LEPR: variants seen among roughly 807,000 people sequenced by gnomAD.
LEPR encodes OB receptor.
LEPR carries 56 observed loss-of-function variants against 114.7 expected under a neutral mutation model. That is an observed-to-expected ratio of 0.49 (90% CI 0.39 to 0.61). The LOEUF (loss-of-function observed/expected upper bound fraction) is 0.61, where lower values mean the gene tolerates loss of function less well. Ranked by LOEUF, LEPR falls within the 20% of genes least tolerant of loss-of-function variation. The probability of loss-of-function intolerance (pLI) is 0.00; values close to 1 mark genes in which losing one functional copy is unlikely to be tolerated. For missense variants in LEPR, 1,202 were observed against 1,352.9 expected (o/e 0.89, Z 1.75); for synonymous variants, 443 against 461.4 (o/e 0.96, Z 0.51).
At chr1:65,588,492 C>T (rs1655469877) in intron 5 of LEPR, among the ~76,000 whole-genome samples, 1 of 151,712 alleles carries the variant, frequency 6.6e-6, no homozygotes, top group Non-Finnish European at 1.5e-5. Context: ...ACTCATAAAA[C>T]CATCAGTATA....
At chr1:65,511,543 A>G (rs1431498078) in intron 2 of LEPR, among the ~76,000 whole-genome samples, 1 of 152,146 alleles carries the variant, frequency 6.6e-6, no homozygotes, top group Non-Finnish European at 1.5e-5. Context: ...TCATCTGTGT[A>G]TTCACAAAAC....
intron 3 of LEPR, among the ~76,000 whole-genome samples, chr1:65,568,579 G>T (rs1188888416): frequency 6.6e-6 from 1 of 151,640 alleles, no homozygotes; most frequent in African/African-American, 2.4e-5. Flanking sequence ...ATTCATTGAG[G>T]GACACTTAGG....
At chr1:65,565,256 A>G (rs536438468) in intron 2 of LEPR, among the ~76,000 whole-genome samples, 1 of 152,342 alleles carries the variant, frequency 6.6e-6, no homozygotes, top group South Asian at 2.1e-4. Context: ...GCATTTAGTT[A>G]AAATTTCAGT....
At chr1:65,555,562 A>G (rs1652758258) in intron 2 of LEPR, among the ~76,000 whole-genome samples, 1 of 152,180 alleles carries the variant, frequency 6.6e-6, no homozygotes, top group African/African-American at 2.4e-5. Context: ...AAGACCAGTC[A>G]TATTAGTGTA....
In LEPR at chr1:65,488,206, TTCTTTCTCTCTCTCTCTCTC is replaced by T. The variant is rs1647641242; in HGVS notation, c.-21+62836_-21+62855del. On this transcript the variant is annotated intron_variant, in intron 2 of 19. Coordinates refer to ENST00000349533, the MANE Select transcript of LEPR (RefSeq NM_002303.6). The stretch of plus-strand genomic sequence containing the variant: ...TTTCTTTCTTTCTTTCTTTCTTTCT[TTCTTTCTCTCTCTCTCTCTC>T]TCTTTCTTTCTTTCTTTCTTTCTTT... Among the ~76,000 whole-genome samples, 23 of 31,774 alleles carry T rather than the reference TTCTTTCTCTCTCTCTCTCTC, an allele frequency of 7.2e-4. 2 individuals are homozygous for T. Among genetic ancestry groups the T allele is most frequent in the Non-Finnish European group, 8.6e-4 (14 of 16,190 alleles). 20.8% of individuals were successfully genotyped at this position (31,774 alleles called of 152,430 possible).
At chr1:65,472,411 A>AAC (rs71721804) in intron 2 of LEPR, among the ~76,000 whole-genome samples, 4,679 of 133,248 alleles carry the variant, frequency 0.035, 102 homozygotes, top group African/African-American at 0.054. Flanking sequence ...CTGTGGCTAA[A>AAC]ACACACACAC....
At chr1:65,580,643 G>A (rs569172372) in intron 5 of LEPR, among the ~76,000 whole-genome samples, 5 of 152,252 alleles carry the variant, frequency 3.3e-5, no homozygotes, top group East Asian at 1.9e-4. Flanking sequence ...TTCCAGGCAC[G>A]GAGCTGAGCA....
intron 2 of LEPR, among the ~76,000 whole-genome samples, chr1:65,506,128 A>G (rs1648713793): frequency 6.6e-6 from 1 of 152,184 alleles, no homozygotes; most frequent in Non-Finnish European, 1.5e-5. Flanking sequence ...GTGAGAATTC[A>G]ACTTTGAAAC....
At chr1:65,479,433 A>T (rs1647193568) in intron 2 of LEPR, among the ~76,000 whole-genome samples, 1 of 152,156 alleles carries the variant, frequency 6.6e-6, no homozygotes, top group Non-Finnish European at 1.5e-5. Flanking sequence ...AAACCGAGAG[A>T]GGCAGAGAGG....
intron 2 of LEPR, among the ~76,000 whole-genome samples, chr1:65,508,495 T>A (rs1648870957): frequency 1.3e-5 from 2 of 152,202 alleles, no homozygotes; most frequent in South Asian, 4.1e-4. Flanking sequence ...CAATTGACTG[T>A]AGATGTATAG....
At chr1:65,630,910 T>G (rs1658492764) in intron 19 of LEPR, among the ~76,000 whole-genome samples, 1 of 152,200 alleles carries the variant, frequency 6.6e-6, no homozygotes, top group Non-Finnish European at 1.5e-5. Context: ...TCTTTTTTCT[T>G]CTATTCCCTG....
intron 5 of LEPR, among the ~76,000 whole-genome samples, chr1:65,573,619 A>C (rs2100819076): frequency 6.6e-6 from 1 of 152,234 alleles, no homozygotes; most frequent in African/African-American, 2.4e-5. Context: ...CTTTCTCATT[A>C]ATTCTTCTAT....
At chr1:65,608,582 T>G (rs1656973554) in intron 11 of LEPR, among the ~76,000 whole-genome samples, 171 bp from the exon 12 acceptor site, 1 of 152,190 alleles carries the variant, frequency 6.6e-6, no homozygotes, top group Non-Finnish European at 1.5e-5. Context: ...GATAAATCCC[T>G]CTTTTAATAT....
intron 2 of LEPR, among the ~76,000 whole-genome samples, chr1:65,499,651 T>A (rs1458492212): frequency 1.3e-5 from 2 of 152,132 alleles, no homozygotes; most frequent in African/African-American, 4.8e-5. Flanking sequence ...GGGCCTGGCA[T>A]GTGTTAGGGC....
intron 2 of LEPR, among the ~76,000 whole-genome samples, chr1:65,539,253 T>C (rs74824013): frequency 4.3e-5 from 1 of 23,152 alleles, no homozygotes; most frequent in Non-Finnish European, 1.1e-4. Context: ...TGTTAAAGCT[T>C]TTTTTTTTTT....
intron 2 of LEPR, among the ~76,000 whole-genome samples, chr1:65,429,435 G>C (rs1018825005): frequency 2.0e-5 from 3 of 152,156 alleles, no homozygotes; most frequent in Admixed American, 1.3e-4. Context: ...TGTAGGCTAG[G>C]GCAAGGAATT....
intron 16 of LEPR, among the ~76,000 whole-genome samples, chr1:65,618,925 G>A (rs1657705518): frequency 6.6e-6 from 1 of 152,146 alleles, no homozygotes; most frequent in African/African-American, 2.4e-5. Flanking sequence ...AACAATGAGT[G>A]GGAATGCTAG....
chr1:65,549,508 G>A (rs1419060730), intron 2 of LEPR, among the ~76,000 whole-genome samples: 10 of 150,620 alleles, frequency 6.6e-5, no homozygotes, highest in East Asian at 3.9e-4. Context: ...GGCTTTGTTC[G>A]TTTCTTTTTA....
chr1:65,597,559 T>A (rs1458097561), intron 7 of LEPR, among the ~76,000 whole-genome samples: 4 of 151,932 alleles, frequency 2.6e-5, no homozygotes, highest in African/African-American at 9.7e-5. Context: ...GTAGTTGGGT[T>A]CTAAACAGGG....
Sources: allele counts gnomAD v4.1 joint callset (sites outside exome capture counted in the v4.1 genomes callset), GRCh38; gene constraint gnomAD v4.1.1; transcripts MANE v1.5; gene names NCBI Gene and HGNC (gene_info 2026-07-23, HGNC 2026-07-21).